The following BCAS1 variants were observed in gnomAD, a reference collection of about 807,000 sequenced individuals.
BCAS1 encodes breast carcinoma-amplified sequence 1.
A neutral mutation model predicts 65.4 loss-of-function variants in BCAS1; 46 were observed. That is an observed-to-expected ratio of 0.70 (90% confidence interval 0.55 to 0.90). The LOEUF is 0.90. BCAS1 is among the 40% of genes least tolerant of loss of function. The pLI is 0.00. For missense variants in BCAS1, 793 were observed against 771.2 expected, an observed-to-expected ratio of 1.03 and a Z score of -0.33; for synonymous variants, 298 against 293.5, an observed-to-expected ratio of 1.02 and a Z score of -0.16.
intron 4 of BCAS1, among the ~76,000 whole-genome samples, chr20:54,027,799 A>C (rs2091706813): frequency 7.2e-6 from 1 of 139,396 alleles, no homozygotes; most frequent in Non-Finnish European, 1.5e-5. Context: ...AACCCCCCAA[A>C]AAACAAAAAA....
In BCAS1 at chr20:53,985,218, C is replaced by T. The variant is rs1201668645; in HGVS notation, c.1275+69G>A. 6 of 1,434,966 alleles carry T rather than the reference C, an allele frequency of 4.2e-6. No homozygotes were observed. In the East Asian group the frequency reaches 1.1e-4, roughly 27 times the overall value. 88.9% of individuals were successfully genotyped at this position (1,434,966 alleles called of 1,614,324 possible). A position where few individuals can be genotyped will look rare whatever the true frequency, so the allele number is the denominator to read the frequency against. ...ATACATTGTTGAGTACAACAGTTAG[C>T]CCAATAGAAATAAGTTCTGGAGTCA... On this transcript the variant is annotated intron_variant, in intron 8 of 12. Coordinates refer to ENST00000688948, the MANE Select transcript of BCAS1 (RefSeq NM_001366298.2).
At chr20:53,956,147 A>T (rs1379805297) in intron 11 of BCAS1, among the ~76,000 whole-genome samples, 4 of 152,246 alleles carry the variant, frequency 2.6e-5, no homozygotes, top group Admixed American at 6.5e-5. Context: ...ACCCCAACGC[A>T]TATGTTGAAT....
At chr20:54,063,710 CT>C (rs911453713) in intron 1 of BCAS1, among the ~76,000 whole-genome samples, 1 of 151,902 alleles carries the variant, frequency 6.6e-6, no homozygotes, top group East Asian at 1.9e-4. Context: ...TGGGTGGAGA[CT>C]TTTTTTTAAA....
chr20:54,030,692 A>G (rs573866442), intron 3 of BCAS1, among the ~76,000 whole-genome samples: 2 of 151,314 alleles, frequency 1.3e-5, no homozygotes, highest in Non-Finnish European at 3.0e-5. Context: ...CAAACAAAAA[A>G]GGGGGGAGAG....
chr20:54,022,250 T>C (rs2091576624), intron 4 of BCAS1, among the ~76,000 whole-genome samples: 1 of 152,010 alleles, frequency 6.6e-6, no homozygotes, highest in African/African-American at 2.4e-5. Context: ...AAATAGTACA[T>C]CCTCCTTGTT....
chr20:54,042,919 C>A (rs378782), intron 3 of BCAS1, among the ~76,000 whole-genome samples: 48,016 of 152,146 alleles, frequency 0.32, 7,931 homozygotes, highest in South Asian at 0.41. Context: ...GGCTGATAGG[C>A]CAGGTGGGCC....
chr20:53,984,401 T>A (rs563426476), intron 8 of BCAS1, among the ~76,000 whole-genome samples: 6 of 152,220 alleles, frequency 3.9e-5, no homozygotes, highest in Non-Finnish European at 1.5e-5. Flanking sequence ...GGTTTCTGTA[T>A]GACAGGAAGC....
chr20:53,946,271 C>T (rs2089312134), intron 12 of BCAS1, among the ~76,000 whole-genome samples: 1 of 151,874 alleles, frequency 6.6e-6, no homozygotes, highest in Non-Finnish European at 1.5e-5. Context: ...GTCAACCGCT[C>T]CCCACCGCAG....
chr20:54,045,752 T>C (rs540080543), intron 3 of BCAS1, among the ~76,000 whole-genome samples: 1 of 152,370 alleles, frequency 6.6e-6, no homozygotes, highest in African/African-American at 2.4e-5. Flanking sequence ...ACACATTTTA[T>C]ATTATGCCTC....
At chr20:53,963,424 C>T (rs1296148061) in intron 10 of BCAS1, among the ~76,000 whole-genome samples, 1 of 151,228 alleles carries the variant, frequency 6.6e-6, no homozygotes, top group Non-Finnish European at 1.5e-5. Flanking sequence ...GAGGTTGCAG[C>T]GGGCAGAGAT....
chr20:54,029,864 C>T (rs543356309), intron 3 of BCAS1, among the ~76,000 whole-genome samples: 30 of 152,146 alleles, frequency 2.0e-4, no homozygotes, highest in African/African-American at 7.2e-4. Context: ...TAAGTTCATG[C>T]GCTCTCTGTC....
intron 8 of BCAS1, among the ~76,000 whole-genome samples, chr20:53,979,349 G>A (rs1240388284): frequency 6.6e-6 from 1 of 152,200 alleles, no homozygotes; most frequent in African/African-American, 2.4e-5. Flanking sequence ...CTGGTGGCTG[G>A]TAGAACAACT....
intron 8 of BCAS1, among the ~76,000 whole-genome samples, chr20:53,978,084 C>T (rs929529915): frequency 1.4e-5 from 2 of 141,748 alleles, no homozygotes; most frequent in Admixed American, 7.5e-5. Flanking sequence ...GTTCCCCTTC[C>T]TGTGTCCATG....
chr20:53,957,627 C>A, intron 10 of BCAS1, 130 bp from the exon 11 acceptor site: 3 of 774,920 alleles, frequency 3.9e-6, no homozygotes, highest in Middle Eastern at 4.9e-4. Context: ...GGAAGGCCAA[C>A]TGGAAACATG....
In BCAS1 at chr20:54,007,830, A is replaced by G. The variant is rs577422316; in HGVS notation, c.724-11780T>C. ...TTCCTCTCACCAAGGACAATGAAGA[A>G]CCCTGGACATTATAGAGAAAACATA... is the stretch of plus-strand genomic sequence containing the variant. On this transcript the variant is annotated intron_variant, in intron 4 of 12. Transcript: ENST00000688948. 9.8e-5 allele frequency among the ~76,000 whole-genome samples: 15 copies of G among 152,316 alleles called. No homozygotes were observed. The East Asian group carries it at 2.9e-3, about 29-fold the overall frequency.
intron 1 of BCAS1, among the ~76,000 whole-genome samples, chr20:54,069,963 A>G (rs938140184): frequency 1.3e-5 from 2 of 152,226 alleles, no homozygotes; most frequent in African/African-American, 4.8e-5. Context: ...TGAGCGTTAA[A>G]TAAGATTCAC....
At chr20:53,980,460 G>C (rs925567236) in intron 8 of BCAS1, among the ~76,000 whole-genome samples, 2 of 152,194 alleles carry the variant, frequency 1.3e-5, no homozygotes, top group Non-Finnish European at 2.9e-5. Flanking sequence ...AATGCTAATA[G>C]AGATAATAGT....
intron 3 of BCAS1, among the ~76,000 whole-genome samples, chr20:54,035,639 C>G (rs1439514065): frequency 6.6e-6 from 1 of 151,090 alleles, no homozygotes; most frequent in African/African-American, 2.4e-5. Flanking sequence ...TTGTGGAAGA[C>G]AGTGTGGCAA....
intron 6 of BCAS1, among the ~76,000 whole-genome samples, chr20:53,994,720 C>A: frequency 6.6e-6 from 1 of 152,054 alleles, no homozygotes; most frequent in East Asian, 1.9e-4. Flanking sequence ...TATTAGTATT[C>A]TGTTCTTATG....
Sources: gnomAD v4.1 joint callset for allele counts (sites outside exome capture counted in the v4.1 genomes callset) on GRCh38, gnomAD v4.1.1 for gene constraint, MANE v1.5 for transcripts, NCBI Gene and HGNC (gene_info 2026-07-23, HGNC 2026-07-21) for gene names.